Variants in RAP1A observed in about 807,000 individuals in gnomAD.
RAP1A encodes ras-related protein Rap-1A.
RAP1A carries 6 observed loss-of-function variants against 26.4 expected under a neutral mutation model. That is an observed-to-expected ratio of 0.23 (90% CI 0.12 to 0.45). RAP1A has a LOEUF of 0.45. Among genes scored for constraint, RAP1A ranks in the 20% least tolerant of loss-of-function variants. RAP1A has a pLI of 0.99. For missense variants in RAP1A, 121 were observed against 217.2 expected, an observed-to-expected ratio of 0.56 and a Z score of 2.78; for synonymous variants, 73 against 79.4, an observed-to-expected ratio of 0.92 and a Z score of 0.43.
rs563909860 is a variant in RAP1A, at chr1:111,593,022, AG to A, written c.-28+50514del. On this transcript the variant is annotated intron_variant, in intron 1 of 7. Coordinates refer to the RAP1A transcript ENST00000356415. ...TGGCTGCCCAGAGAGAGGGAGAGAG[AG>A]AAAAAATAGAAACAAAACGAGCAAG... Among the ~76,000 whole-genome samples, 11 of 152,100 alleles carry A rather than the reference AG, an allele frequency of 7.2e-5. No individual in the cohort carries two copies. In the South Asian group the frequency reaches 2.3e-3, roughly 32 times the overall value.
chr1:111,575,912 A>G (rs987479492), intron 1 of RAP1A, among the ~76,000 whole-genome samples: 16 of 152,256 alleles, frequency 1.1e-4, no homozygotes, highest in African/African-American at 3.6e-4. Flanking sequence ...TATTTCTAAT[A>G]CTAAAAATAT....
intron 1 of RAP1A, among the ~76,000 whole-genome samples, chr1:111,560,045 C>G (rs977458071): frequency 6.6e-6 from 1 of 152,178 alleles, no homozygotes; most frequent in Non-Finnish European, 1.5e-5. Context: ...CAATTTTTTT[C>G]ATTCAACACT....
chr1:111,557,378 C>T (rs1657537987), intron 1 of RAP1A, among the ~76,000 whole-genome samples: 1 of 152,026 alleles, frequency 6.6e-6, no homozygotes. Context: ...GAAACCCTGT[C>T]TCTACTAAAA....
At position 111,713,697 on chromosome 1, in the gene RAP1A, A is replaced by G. The variant is rs1344423772; in HGVS notation, c.*1296A>G. On this transcript the variant is annotated 3_prime_UTR_variant, in exon 8 of 8. Coordinates refer to ENST00000369709, the MANE Select transcript of RAP1A (RefSeq NM_002884.4). ...ATATGGAAGAGATTGCTAAGTTAAA[A>G]TTGTAGCTTCCTATATAGTGGTGCT... 6.6e-6 allele frequency: 1 copy of G among 152,242 alleles called. No homozygotes were observed. The highest frequency in any genetic ancestry group is 1.5e-5 in the Non-Finnish European group (1 of 68,038). 9.4% of individuals were successfully genotyped at this position (152,242 alleles called of 1,614,324 possible).
intron 1 of RAP1A, among the ~76,000 whole-genome samples, chr1:111,652,259 C>G (rs966892320): frequency 6.6e-6 from 1 of 152,204 alleles, no homozygotes; most frequent in Non-Finnish European, 1.5e-5. Flanking sequence ...TAGGCCTGAC[C>G]CAGTTCAAGT....
At chr1:111,560,824 A>G (rs1277994026) in intron 1 of RAP1A, among the ~76,000 whole-genome samples, 1 of 152,142 alleles carries the variant, frequency 6.6e-6, no homozygotes, top group East Asian at 1.9e-4. Context: ...TTAGAGACCA[A>G]GGAAAATGTA....
rs1323967141 is a variant in RAP1A at position 111,712,594 on chromosome 1, T to A, written c.*193T>A. 6.6e-6 allele frequency: 1 copy of A among 152,540 alleles called. No individual in the cohort carries two copies. The highest frequency in any genetic ancestry group is 2.4e-5 in the African/African-American group (1 of 41,464). The allele number at this position is 152,540 out of a possible 1,614,324, so 9.4% of individuals were successfully genotyped here. On this transcript the variant is annotated 3_prime_UTR_variant, in exon 8 of 8. Coordinates refer to ENST00000369709, the MANE Select transcript of RAP1A (RefSeq NM_002884.4). ...CTGGAGAAAAAAATTGCTCTGTGTA[T>A]ATCTCTTGGAAAATAAGACAATAGT...
chr1:111,605,080 T>C (rs1296653502), intron 1 of RAP1A, among the ~76,000 whole-genome samples: 1 of 152,210 alleles, frequency 6.6e-6, no homozygotes, highest in Non-Finnish European at 1.5e-5. Context: ...ATTTGCCTAG[T>C]AGTTGTAAGA....
chr1:111,568,694 G>C (rs78030820), intron 1 of RAP1A, among the ~76,000 whole-genome samples: 6,633 of 152,168 alleles, frequency 0.044, 506 homozygotes, highest in African/African-American at 0.15. Context: ...AAACTGCACA[G>C]GTCCACTCAC....
At chr1:111,543,020 A>T (rs1467231908) in intron 1 of RAP1A, among the ~76,000 whole-genome samples, 2 of 152,196 alleles carry the variant, frequency 1.3e-5, no homozygotes, top group Non-Finnish European at 2.9e-5. Context: ...TTTTATAACC[A>T]TGAGAAACTA....
At position 111,639,948 on chromosome 1, in the gene RAP1A, C is replaced by A. The variant is rs145347272; in HGVS notation, c.-28+20014C>A. On this transcript the variant is annotated intron_variant, in intron 1 of 7. Coordinates refer to ENST00000369709, the MANE Select transcript of RAP1A (RefSeq NM_002884.4). ...TAACATCACAATGGTGATTTTGTGT[C>A]GAGGTTTACCATTTAACTAGATTAG... Among the ~76,000 whole-genome samples, 931 of 152,250 alleles carry A rather than the reference C, an allele frequency of 6.1e-3. 9 individuals are homozygous for A. Among genetic ancestry groups the A allele is most frequent in the Middle Eastern group, 0.034 (10 of 294 alleles).
At chr1:111,631,738 T>A (rs1261882213) in intron 1 of RAP1A, among the ~76,000 whole-genome samples, 1 of 152,196 alleles carries the variant, frequency 6.6e-6, no homozygotes, top group Non-Finnish European at 1.5e-5. Flanking sequence ...ATTTTTCTCC[T>A]AAATGAGTCT....
chr1:111,567,336 AG>A (rs1280332807), intron 1 of RAP1A, among the ~76,000 whole-genome samples: 2 of 152,206 alleles, frequency 1.3e-5, no homozygotes, highest in Non-Finnish European at 2.9e-5. Flanking sequence ...GGTAGAAAAT[AG>A]GTTTTGGATA....
chr1:111,715,435 G>C lies in RAP1A; in HGVS notation c.*3034G>C, dbSNP rs1021313830. 1.3e-5 allele frequency: 2 copies of C among 152,070 alleles called. No homozygotes were observed. The highest frequency in any genetic ancestry group is 2.4e-5 in the African/African-American group (1 of 41,338). 9.4% of individuals were successfully genotyped at this position (152,070 alleles called of 1,614,324 possible). A position where few individuals can be genotyped will look rare whatever the true frequency, so the allele number is the denominator to read the frequency against. Reference sequence around the variant, plus strand: ...ATTTAAGTCCTAGTACATAAACACTGTGTGGTTCACAAAAAGGCATAGAGA... The same window carrying C: ...ATTTAAGTCCTAGTACATAAACACTCTGTGGTTCACAAAAAGGCATAGAGA... On this transcript the variant is annotated 3_prime_UTR_variant, in exon 8 of 8. Coordinates refer to ENST00000369709, the MANE Select transcript of RAP1A (RefSeq NM_002884.4).
chr1:111,624,296 T>C (rs1029536734), intron 1 of RAP1A, among the ~76,000 whole-genome samples: 14 of 152,220 alleles, frequency 9.2e-5, no homozygotes, highest in Admixed American at 1.3e-4. Flanking sequence ...CTGAGACAGA[T>C]GAAGTGTCCA....
intron 1 of RAP1A, among the ~76,000 whole-genome samples, chr1:111,566,585 C>T (rs930104741): frequency 6.6e-6 from 1 of 152,188 alleles, no homozygotes; most frequent in African/African-American, 2.4e-5. Flanking sequence ...ACCTGGGCAT[C>T]TTGTTTGTCT....
chr1:111,643,617 G>T (rs935374309), intron 1 of RAP1A, among the ~76,000 whole-genome samples: 6 of 152,184 alleles, frequency 3.9e-5, no homozygotes, highest in Non-Finnish European at 7.3e-5. Context: ...GTTCATTGGA[G>T]ATTTTATTCT....
At chr1:111,647,658 C>G (rs1660113492) in intron 1 of RAP1A, among the ~76,000 whole-genome samples, 1 of 151,532 alleles carries the variant, frequency 6.6e-6, no homozygotes, top group South Asian at 2.1e-4. Flanking sequence ...GCTAATGTTT[C>G]AATTGTTTGC....
At chr1:111,648,237 A>T in intron 1 of RAP1A, 1 of 525,972 alleles carries the variant, frequency 1.9e-6, no homozygotes, top group Non-Finnish European at 3.3e-6. Context: ...GTGACCTTTG[A>T]ACTTTTTATT....
Sources: gnomAD v4.1 joint callset for allele counts (sites outside exome capture counted in the v4.1 genomes callset) on GRCh38, gnomAD v4.1.1 for gene constraint, MANE v1.5 for transcripts, NCBI Gene and HGNC (gene_info 2026-07-23, HGNC 2026-07-21) for gene names.